The following ERGIC2 variants were observed in gnomAD, a reference collection of about 807,000 sequenced individuals.
The protein encoded by ERGIC2 is endoplasmic reticulum-Golgi intermediate compartment protein 2.
ERGIC2 carries 31 observed loss-of-function variants against 52.5 expected under a neutral mutation model. That is an observed-to-expected ratio of 0.59 (90% confidence interval 0.44 to 0.80). ERGIC2 has a LOEUF of 0.80. ERGIC2 is among the 30% of genes least tolerant of loss of function. The probability of loss-of-function intolerance (pLI) is 0.00; values close to 1 mark genes in which losing one functional copy is unlikely to be tolerated. For synonymous variants in ERGIC2, 129 were observed against 140.6 expected, an observed-to-expected ratio of 0.92 and a Z score of 0.58; for missense variants, 395 against 455.2, an observed-to-expected ratio of 0.87 and a Z score of 1.20.
intron 13 of ERGIC2, 30 bp downstream of exon 13, chr12:29,341,704 G>A (rs1465317131): frequency 8.9e-7 from 1 of 1,123,524 alleles, no homozygotes; most frequent in Non-Finnish European, 1.4e-6. Context: ...AAGATTTAGA[G>A]ATCAGCACCA....
At chr12:29,343,739 T>G (rs1949856675) in intron 11 of ERGIC2, among the ~76,000 whole-genome samples, 1 of 152,188 alleles carries the variant, frequency 6.6e-6, no homozygotes, top group South Asian at 2.1e-4. Context: ...TGATCAAGTT[T>G]CCAATAAAGT....
chr12:29,340,466 A>T lies in ERGIC2; in HGVS notation c.*690T>A. On this transcript the variant is annotated 3_prime_UTR_variant, in exon 14 of 14. Transcript: ENST00000360150. ...CATTTGTGAATGACACCCTAGTTAC[A>T]TAACACCTACATATCTGCCCCTGTG... 1 of 156,788 alleles carries T rather than the reference A, an allele frequency of 6.4e-6. No individual in the cohort carries two copies. Among genetic ancestry groups the T allele is most frequent in the Non-Finnish European group, 1.4e-5 (1 of 71,130 alleles). The allele number at this position is 156,788 out of a possible 1,614,324, so 9.7% of individuals were successfully genotyped here. A position where few individuals can be genotyped will look rare whatever the true frequency, so the allele number is the denominator to read the frequency against.
Position 29,357,604 on chromosome 12 carries a change from T to C in ERGIC2, c.476+19A>G. The stretch of plus-strand genomic sequence containing the variant: ...TAAATTCATAATAAACAGTTGCACA[T>C]TTAAAATACAGATCTCACCTTGGTG... On this transcript the variant is annotated intron_variant, in intron 7 of 13. Coordinates refer to ENST00000360150, the MANE Select transcript of ERGIC2 (RefSeq NM_016570.3). 7.8e-7 allele frequency: 1 copy of C among 1,276,302 alleles called. No individual in the cohort carries two copies. Among genetic ancestry groups the C allele is most frequent in the East Asian group, 2.3e-5 (1 of 43,224 alleles). 79.1% of individuals were successfully genotyped at this position (1,276,302 alleles called of 1,614,324 possible).
At chr12:29,377,105 A>T (rs1166383346) in intron 1 of ERGIC2, among the ~76,000 whole-genome samples, 2 of 152,050 alleles carry the variant, frequency 1.3e-5, no homozygotes, top group African/African-American at 4.8e-5. Flanking sequence ...ATTTTCTTGT[A>T]TTGGTCCACA....
chr12:29,369,759 C>T (rs942175075), intron 3 of ERGIC2, among the ~76,000 whole-genome samples: 5 of 151,886 alleles, frequency 3.3e-5, no homozygotes, highest in Non-Finnish European at 7.4e-5. Flanking sequence ...TAAGGGTATA[C>T]AATGTATCCT....
chr12:29,352,403 C>G (rs770408567), intron 8 of ERGIC2, among the ~76,000 whole-genome samples: 2 of 152,168 alleles, frequency 1.3e-5, no homozygotes, highest in African/African-American at 4.8e-5. Flanking sequence ...TGGCTCACAC[C>G]TGTAATCCTA....
intron 5 of ERGIC2, among the ~76,000 whole-genome samples, chr12:29,363,523 T>C (rs1940314347): frequency 1.3e-5 from 2 of 151,952 alleles, no homozygotes. Context: ...ATTAAATATT[T>C]TGAAGTTCTT....
At position 29,370,094 on chromosome 12, in the gene ERGIC2, A is replaced by G; in HGVS notation, c.215+20T>C. 6.7e-7 allele frequency: 1 copy of G among 1,490,510 alleles called. No individual in the cohort carries two copies. The allele number at this position is 1,490,510 out of a possible 1,614,324, so 92.3% of individuals were successfully genotyped here. A position where few individuals can be genotyped will look rare whatever the true frequency, so the allele number is the denominator to read the frequency against. On this transcript the variant is annotated intron_variant, in intron 3 of 13. Coordinates refer to ENST00000360150, the MANE Select transcript of ERGIC2 (RefSeq NM_016570.3). ...ACAATTTGAATCTAAAGGTATTCCA[A>G]GAAGAAAAAAAATGATTACCTAGAA...
intron 8 of ERGIC2, among the ~76,000 whole-genome samples, chr12:29,355,025 T>G (rs1277958558): frequency 1.3e-5 from 2 of 152,178 alleles, no homozygotes; most frequent in African/African-American, 2.4e-5. Context: ...ACTGAAATAC[T>G]TTTTCATAGA....
chr12:29,362,170 T>G (rs762533888), intron 5 of ERGIC2, among the ~76,000 whole-genome samples: 1 of 152,166 alleles, frequency 6.6e-6, no homozygotes, highest in Non-Finnish European at 1.5e-5. Flanking sequence ...AAGAACTACT[T>G]AAGAAATTTT....
intron 7 of ERGIC2, 37 bp downstream of exon 7, chr12:29,357,586 A>G: frequency 9.4e-7 from 1 of 1,066,064 alleles, no homozygotes; most frequent in East Asian, 2.4e-5. Flanking sequence ...AAGTAAATTC[A>G]TAATAAACAG....
chr12:29,369,008 A>T lies in ERGIC2; in HGVS notation c.216-721T>A, dbSNP rs189282826. ...GCGAATAATAGACTGGCTATGATCA[A>T]ATTCAGTCCTGTGCTTTCTATGATA... On this transcript the variant is annotated intron_variant, in intron 3 of 13. Transcript: ENST00000360150. Among the ~76,000 whole-genome samples the T allele has an allele frequency of 1.7e-4, 26 of 152,074 alleles. No homozygotes were observed. The East Asian group carries it at 4.8e-3, about 28-fold the overall frequency.
chr12:29,369,290 A>T (rs1184795682), intron 3 of ERGIC2, among the ~76,000 whole-genome samples: 1 of 151,978 alleles, frequency 6.6e-6, no homozygotes, highest in Non-Finnish European at 1.5e-5. Flanking sequence ...GCTGAAAACA[A>T]CAACAAATTC....
intron 5 of ERGIC2, among the ~76,000 whole-genome samples, chr12:29,363,227 G>A (rs1055767572): frequency 6.6e-6 from 1 of 151,988 alleles, no homozygotes; most frequent in Non-Finnish European, 1.5e-5. Context: ...AATTCTTCTT[G>A]TCTTTAAATA....
rs868349030 is a variant in ERGIC2 at position 29,338,637 on chromosome 12, C to G, written c.*2519G>C. The G allele has an allele frequency of 6.6e-6, 1 of 151,782 alleles. No individual in the cohort carries two copies. Among genetic ancestry groups the G allele is most frequent in the African/African-American group, 2.4e-5 (1 of 41,290 alleles). The allele number at this position is 151,782 out of a possible 1,614,324, so 9.4% of individuals were successfully genotyped here. A position where few individuals can be genotyped will look rare whatever the true frequency, so the allele number is the denominator to read the frequency against. On this transcript the variant is annotated 3_prime_UTR_variant, in exon 14 of 14. Coordinates refer to ENST00000360150, the MANE Select transcript of ERGIC2 (RefSeq NM_016570.3). The stretch of plus-strand genomic sequence containing the variant: ...TCAGCCTGGGCAACAGTGCGAGACC[C>G]CATCTCTTAAAAAAAAAAAGAGAAA...
intron 6 of ERGIC2, among the ~76,000 whole-genome samples, chr12:29,360,145 T>G (rs1940263269): frequency 6.6e-6 from 1 of 152,110 alleles, no homozygotes; most frequent in Non-Finnish European, 1.5e-5. Context: ...TATAGCCTTT[T>G]GGAGTATAAG....
chr12:29,349,367 A>C (rs1388849670), intron 9 of ERGIC2, among the ~76,000 whole-genome samples, 190 bp from the exon 10 acceptor site: 1 of 151,950 alleles, frequency 6.6e-6, no homozygotes, highest in Non-Finnish European at 1.5e-5. Context: ...TTAAATGTAT[A>C]AAATAAATTC....
At chr12:29,342,835 C>T (rs1225184108) in intron 12 of ERGIC2, among the ~76,000 whole-genome samples, 1 of 152,112 alleles carries the variant, frequency 6.6e-6, no homozygotes, top group Non-Finnish European at 1.5e-5. Context: ...TCCAAGCTAC[C>T]ACCAAGTAAA....
intron 11 of ERGIC2, among the ~76,000 whole-genome samples, chr12:29,343,588 C>G (rs1565535233): frequency 6.6e-6 from 1 of 152,138 alleles, no homozygotes; most frequent in Admixed American, 6.5e-5. Context: ...ATGGCATGTT[C>G]CTCATGCTAT....
Sources: allele counts gnomAD v4.1 joint callset (sites outside exome capture counted in the v4.1 genomes callset), GRCh38; gene constraint gnomAD v4.1.1; transcripts MANE v1.5; gene names NCBI Gene and HGNC (gene_info 2026-07-23, HGNC 2026-07-21).